Variants in GNRHR observed in about 807,000 individuals in gnomAD.
The protein encoded by GNRHR is gonadotropin releasing hormone receptor.
A neutral mutation model predicts 28.1 loss-of-function variants in GNRHR; 14 were observed. The observed-to-expected ratio is 0.50, with a 90% CI of 0.33 to 0.78. GNRHR has a LOEUF of 0.78. Among genes scored for constraint, GNRHR ranks in the 30% least tolerant of loss-of-function variants. The probability of loss-of-function intolerance (pLI) is 0.02; values close to 1 mark genes in which losing one functional copy is unlikely to be tolerated. For missense variants in GNRHR, 366 were observed against 382.1 expected (o/e 0.96, Z 0.35); for synonymous variants, 141 against 140.5 (o/e 1.00, Z -0.02).
intron 2 of GNRHR, among the ~76,000 whole-genome samples, chr4:67,743,991 A>G (rs867742852): frequency 1.3e-5 from 2 of 152,218 alleles, no homozygotes; most frequent in African/African-American, 2.4e-5. Flanking sequence ...CAACATAACA[A>G]TGTTTATTTC....
intron 1 of GNRHR, 122 bp downstream of exon 1, chr4:67,753,692 T>C (rs1223554814): frequency 1.2e-6 from 1 of 846,816 alleles, no homozygotes; most frequent in East Asian, 2.6e-5. Flanking sequence ...CTTCACTCTC[T>C]GACTTCCAGA....
intron 1 of GNRHR, among the ~76,000 whole-genome samples, chr4:67,748,602 G>A (rs1358559402): frequency 6.6e-6 from 1 of 151,756 alleles, no homozygotes; most frequent in Non-Finnish European, 1.5e-5. Context: ...GGCAGAGTTG[G>A]GTAGAGTGTA....
Position 67,753,938 on chromosome 4 carries a change from A to G in GNRHR, c.398T>C (p.Val133Ala). 1 of 1,614,056 alleles carries G rather than the reference A, an allele frequency of 6.2e-7. No homozygotes were observed. Among genetic ancestry groups the G allele is most frequent in the Non-Finnish European group, 8.5e-7 (1 of 1,179,956 alleles). ...FSMYAPAFMMVVISLDRSLAI... is the reference protein window; with the variant it reads ...FSMYAPAFMMAVISLDRSLAI... ...CAGGGAGCGGTCCAGGCTGATCACCACCATCATGAAGGCTGGGGCATACAT... is the reference window on the plus strand; with the variant it reads ...CAGGGAGCGGTCCAGGCTGATCACCGCCATCATGAAGGCTGGGGCATACAT... Residue 133 changes from valine to alanine, a missense_variant, in exon 1 of 3, where the codon GTG becomes GCG. Val to Ala is a moderately conservative substitution (Grantham distance 64, BLOSUM62 0). Coordinates refer to ENST00000226413, the MANE Select transcript of GNRHR (RefSeq NM_000406.3).
chr4:67,749,229 G>A (rs3796720), intron 1 of GNRHR, among the ~76,000 whole-genome samples: 73,095 of 151,946 alleles, frequency 0.48, 17,875 homozygotes, highest in Middle Eastern at 0.61. Flanking sequence ...TAAATTCTCT[G>A]TGTGTTAAGG....
intron 1 of GNRHR, among the ~76,000 whole-genome samples, chr4:67,746,595 A>G (rs1025125052): frequency 6.6e-5 from 10 of 152,030 alleles, no homozygotes; most frequent in Non-Finnish European, 1.5e-5. Flanking sequence ...AAAGTGTTAC[A>G]ATATTTTTTA....
At position 67,754,347 on chromosome 4, in the gene GNRHR, A is replaced by T. The variant is rs779455183; in HGVS notation, c.-12T>A. ...GCACTGTTTGCCATATTTTCCCAGG[A>T]CAGAGCTTCAAGCCTTGTGTCTCTG... is the stretch of plus-strand genomic sequence containing the variant. On this transcript the variant is annotated 5_prime_UTR_variant, in exon 1 of 3. Transcript: ENST00000226413. 6 of 1,604,622 alleles carry T rather than the reference A, an allele frequency of 3.7e-6. No homozygotes were observed. The highest frequency in any genetic ancestry group is 5.1e-6 in the Non-Finnish European group (6 of 1,176,778).
rs10518042 is a variant in GNRHR, at chr4:67,737,185, T to G, written c.*3295A>C. Among the ~76,000 whole-genome samples, 1 of 152,032 alleles carries G rather than the reference T, an allele frequency of 6.6e-6. No individual in the cohort carries two copies. The highest frequency in any genetic ancestry group is 1.5e-5 in the Non-Finnish European group (1 of 67,930). On this transcript the variant is annotated 3_prime_UTR_variant, in exon 3 of 3. Coordinates refer to ENST00000226413, the MANE Select transcript of GNRHR (RefSeq NM_000406.3). ...GCAATATGAGTTCATTTTGGGAATT[T>G]GGAATTACAGGAATTCACAAGGAAG...
chr4:67,744,404 A>G (rs1283577899), intron 2 of GNRHR, among the ~76,000 whole-genome samples, 164 bp downstream of exon 2: 1 of 152,246 alleles, frequency 6.6e-6, no homozygotes, highest in Non-Finnish European at 1.5e-5. Flanking sequence ...TTATGATAAA[A>G]CCATAATAAA....
intron 1 of GNRHR, among the ~76,000 whole-genome samples, chr4:67,748,217 C>A (rs1731798792): frequency 6.6e-6 from 1 of 152,086 alleles, no homozygotes; most frequent in South Asian, 2.1e-4. Context: ...ACTAATTACA[C>A]CCTTACCTAG....
chr4:67,738,789 G>T lies in GNRHR; in HGVS notation c.*1691C>A, dbSNP rs548462213. Among the ~76,000 whole-genome samples, 1 of 151,978 alleles carries T rather than the reference G, an allele frequency of 6.6e-6. No individual in the cohort carries two copies. Among genetic ancestry groups the T allele is most frequent in the Non-Finnish European group, 1.5e-5 (1 of 67,850 alleles). ...CCTTGTCCAATTCAACTGTAGAACT[G>T]GGCCATGAATTGGTTAATTAAAGGT... On this transcript the variant is annotated 3_prime_UTR_variant, in exon 3 of 3. Transcript: ENST00000226413.
At chr4:67,753,393 T>C (rs1168170668) in intron 1 of GNRHR, among the ~76,000 whole-genome samples, 1 of 152,212 alleles carries the variant, frequency 6.6e-6, no homozygotes, top group Non-Finnish European at 1.5e-5. Context: ...GCAAATTTCA[T>C]AATTCCTAAA....
intron 1 of GNRHR, among the ~76,000 whole-genome samples, chr4:67,746,035 A>T (rs1731748697): frequency 6.6e-6 from 1 of 152,058 alleles, no homozygotes; most frequent in Non-Finnish European, 1.5e-5. Context: ...CAAAAATTAA[A>T]CCGGGATAAC....
In GNRHR at chr4:67,738,406, A is replaced by G. The variant is rs1445893238; in HGVS notation, c.*2074T>C. ...TTTTTTGCATGAAATGTAGGTTAAG[A>G]ACCCCTGAGTCAAGATTTCGAATAG... On this transcript the variant is annotated 3_prime_UTR_variant, in exon 3 of 3. Transcript: ENST00000226413. 6.6e-6 allele frequency among the ~76,000 whole-genome samples: 1 copy of G among 151,822 alleles called. No homozygotes were observed. Among genetic ancestry groups the G allele is most frequent in the Non-Finnish European group, 1.5e-5 (1 of 67,826 alleles).
chr4:67,742,508 A>T (rs1731678667), intron 2 of GNRHR, among the ~76,000 whole-genome samples: 1 of 152,208 alleles, frequency 6.6e-6, no homozygotes, highest in Admixed American at 6.5e-5. Context: ...TAATACAGCC[A>T]TTAAAGTTCA....
chr4:67,751,239 T>G (rs746956021), intron 1 of GNRHR, among the ~76,000 whole-genome samples: 3 of 152,216 alleles, frequency 2.0e-5, no homozygotes, highest in Non-Finnish European at 4.4e-5. Context: ...GTAGTGTGTA[T>G]TTCTTACTTT....
In GNRHR at chr4:67,740,287, T is replaced by C. The variant is rs529064600; in HGVS notation, c.*193A>G. The C allele has an allele frequency of 1.1e-4, 60 of 560,052 alleles. 2 individuals carry two copies. The Middle Eastern group carries it at 3.4e-3, about 32-fold the overall frequency. The allele number at this position is 560,052 out of a possible 1,614,324, so 34.7% of individuals were successfully genotyped here. A position where few individuals can be genotyped will look rare whatever the true frequency, so the allele number is the denominator to read the frequency against. The stretch of plus-strand genomic sequence containing the variant: ...AAGCTTATGAGGAAGAGAAAATATT[T>C]TAGTATTTTTCCTGAAGACTTTTCC... On this transcript the variant is annotated 3_prime_UTR_variant, in exon 3 of 3. Transcript: ENST00000226413.
At chr4:67,745,601 A>C (rs991475625) in intron 1 of GNRHR, among the ~76,000 whole-genome samples, 7 of 152,130 alleles carry the variant, frequency 4.6e-5, no homozygotes, top group African/African-American at 1.7e-4. Flanking sequence ...ATAGCTGGTA[A>C]AAATAGTGGG....
chr4:67,743,410 A>T (rs1041765308), intron 2 of GNRHR, among the ~76,000 whole-genome samples: 28 of 152,142 alleles, frequency 1.8e-4, no homozygotes, highest in African/African-American at 6.5e-4. Flanking sequence ...ACATCATCAC[A>T]GTTGATAATT....
At chr4:67,741,249 C>T (rs1002664398) in intron 2 of GNRHR, among the ~76,000 whole-genome samples, 1 of 151,600 alleles carries the variant, frequency 6.6e-6, no homozygotes, top group African/African-American at 2.4e-5. Context: ...CATTGTTATG[C>T]CTTTGCATCA....
Sources: allele counts gnomAD v4.1 joint callset (sites outside exome capture counted in the v4.1 genomes callset), GRCh38; gene constraint gnomAD v4.1.1; transcripts MANE v1.5; gene names NCBI Gene and HGNC (gene_info 2026-07-23, HGNC 2026-07-21).